B4GALT5: variants seen among roughly 807,000 people sequenced by gnomAD.
B4GALT5 encodes UDP-Gal:beta-GlcNAc beta-1,4-galactosyltransferase 5.
In B4GALT5, 11 loss-of-function variants were observed where a neutral mutation model predicts 45.0. The observed-to-expected ratio is 0.24, with a 90% confidence interval of 0.15 to 0.40. The LOEUF (loss-of-function observed/expected upper bound fraction) is 0.40. B4GALT5 is among the 10% of genes least tolerant of loss of function. The probability of loss-of-function intolerance (pLI) is 1.00; values close to 1 mark genes in which losing one functional copy is unlikely to be tolerated. For missense variants in B4GALT5, 337 were observed against 500.2 expected (o/e 0.67, Z 3.11); for synonymous variants, 185 against 182.9 (o/e 1.01, Z -0.09).
At chr20:49,679,349 C>T (rs2085754521) in intron 1 of B4GALT5, among the ~76,000 whole-genome samples, 1 of 152,082 alleles carries the variant, frequency 6.6e-6, no homozygotes, top group Non-Finnish European at 1.5e-5. Context: ...TTCTCTAGCA[C>T]CACAATCAAG....
chr20:49,691,388 C>G (rs947041673), intron 1 of B4GALT5, among the ~76,000 whole-genome samples: 1 of 152,024 alleles, frequency 6.6e-6, no homozygotes, highest in Non-Finnish European at 1.5e-5. Flanking sequence ...CGTGATGGTA[C>G]TACGTAACTG....
chr20:49,686,728 C>CAAAA lies in B4GALT5; in HGVS notation c.115+26844_115+26847dup, dbSNP rs59766440. ...AACATAGCAAGACCTTGTCTCTGCCCAAAAAAAAAAAAAAAAAAAAAAAAG... is the reference window on the plus strand; with the variant it reads ...AACATAGCAAGACCTTGTCTCTGCCCAAAAAAAAAAAAAAAAAAAAAAAAAAAAG... On this transcript the variant is annotated intron_variant, in intron 1 of 8. Coordinates refer to ENST00000371711, the MANE Select transcript of B4GALT5 (RefSeq NM_004776.4). Among the ~76,000 whole-genome samples the CAAAA allele has an allele frequency of 2.8e-3, 166 of 59,462 alleles. 5 individuals carry two copies. Among genetic ancestry groups the CAAAA allele is most frequent in the African/African-American group, 9.6e-3 (133 of 13,878 alleles). 39.0% of individuals were successfully genotyped at this position (59,462 alleles called of 152,430 possible).
At chr20:49,684,074 G>A (rs547127171) in intron 1 of B4GALT5, among the ~76,000 whole-genome samples, 8 of 152,044 alleles carry the variant, frequency 5.3e-5, no homozygotes, top group African/African-American at 1.9e-4. Flanking sequence ...CCAGGAGGTG[G>A]AGGCTGCAGT....
At chr20:49,680,690 G>A (rs1290145984) in intron 1 of B4GALT5, among the ~76,000 whole-genome samples, 1 of 152,110 alleles carries the variant, frequency 6.6e-6, no homozygotes, top group Non-Finnish European at 1.5e-5. Context: ...TTGGAATGAA[G>A]AAATCAAGTT....
intron 1 of B4GALT5, among the ~76,000 whole-genome samples, chr20:49,671,174 T>C (rs528849637): frequency 1.6e-4 from 24 of 150,730 alleles, no homozygotes; most frequent in Admixed American, 1.3e-3. Flanking sequence ...AGGTCAGGAG[T>C]TCAAGATCAG....
At chr20:49,695,683 G>C (rs2085836861) in intron 1 of B4GALT5, among the ~76,000 whole-genome samples, 1 of 152,210 alleles carries the variant, frequency 6.6e-6, no homozygotes, top group Non-Finnish European at 1.5e-5. Context: ...TTACAGGTGT[G>C]AGCCACCGGG....
intron 1 of B4GALT5, among the ~76,000 whole-genome samples, chr20:49,696,681 C>T (rs1045429270): frequency 2.0e-5 from 3 of 152,174 alleles, no homozygotes; most frequent in Non-Finnish European, 2.9e-5. Flanking sequence ...TCTGTGTATA[C>T]AATGACAAGG....
chr20:49,694,901 C>CCA (rs2085832368), intron 1 of B4GALT5, among the ~76,000 whole-genome samples: 1 of 152,034 alleles, frequency 6.6e-6, no homozygotes, highest in Non-Finnish European at 1.5e-5. Flanking sequence ...CAAGTGGGTG[C>CCA]CACACACATC....
At position 49,646,819 on chromosome 20, in the gene B4GALT5, G is replaced by A. The variant is rs899728912; in HGVS notation, c.364+146C>T. 1.5e-5 allele frequency: 8 copies of A among 521,686 alleles called. No homozygotes were observed. In the Admixed American group the frequency reaches 2.6e-4, roughly 17 times the overall value. The allele number at this position is 521,686 out of a possible 1,614,324, so 32.3% of individuals were successfully genotyped here. On this transcript the variant is annotated intron_variant, in intron 3 of 8. Coordinates refer to ENST00000371711, the MANE Select transcript of B4GALT5 (RefSeq NM_004776.4). Reference sequence around the variant, plus strand: ...GCAACCTTGCAGCAGGCTTTGAAGAGGAGCCAGGAGCACAACTTTCACAAA... The same window carrying A: ...GCAACCTTGCAGCAGGCTTTGAAGAAGAGCCAGGAGCACAACTTTCACAAA...
At chr20:49,641,268 G>C (rs1425082235) in intron 5 of B4GALT5, among the ~76,000 whole-genome samples, 1 of 152,178 alleles carries the variant, frequency 6.6e-6, no homozygotes, top group African/African-American at 2.4e-5. Context: ...GCTCCACAAA[G>C]GGAAGAGACA....
intron 1 of B4GALT5, among the ~76,000 whole-genome samples, chr20:49,701,010 G>A (rs1337299182): frequency 6.6e-6 from 1 of 152,148 alleles, no homozygotes; most frequent in African/African-American, 2.4e-5. Context: ...AAACACATCT[G>A]TCCAGAAATA....
intron 5 of B4GALT5, among the ~76,000 whole-genome samples, chr20:49,641,258 G>A (rs941539914): frequency 2.6e-5 from 4 of 152,162 alleles, no homozygotes; most frequent in African/African-American, 4.8e-5. Context: ...AGAGTACCCC[G>A]CTCCACAAAG....
intron 2 of B4GALT5, 55 bp from the exon 3 acceptor site, chr20:49,647,133 A>C: frequency 9.2e-7 from 1 of 1,081,976 alleles, no homozygotes; most frequent in Non-Finnish European, 1.4e-6. Context: ...TCAACCGTGC[A>C]ATTATCAGAT....
chr20:49,682,097 A>AAAAT (rs1254966878), intron 1 of B4GALT5, among the ~76,000 whole-genome samples: 1 of 152,186 alleles, frequency 6.6e-6, no homozygotes, highest in African/African-American at 2.4e-5. Context: ...CCCTGTCTCA[A>AAAAT]AAATAAATAA....
intron 1 of B4GALT5, among the ~76,000 whole-genome samples, chr20:49,671,518 G>A (rs1161756980): frequency 6.6e-6 from 1 of 152,132 alleles, no homozygotes; most frequent in East Asian, 1.9e-4. Flanking sequence ...TCACATTTGT[G>A]TTAAAGACAC....
chr20:49,686,477 A>T (rs1204630443), intron 1 of B4GALT5, among the ~76,000 whole-genome samples: 2 of 152,164 alleles, frequency 1.3e-5, no homozygotes, highest in East Asian at 3.8e-4. Flanking sequence ...TAGAATAAGC[A>T]ACCAAGTGAC....
intron 1 of B4GALT5, among the ~76,000 whole-genome samples, chr20:49,686,568 G>A (rs2085786308): frequency 6.6e-6 from 1 of 151,840 alleles, no homozygotes. Flanking sequence ...TAGGACCCTA[G>A]AATTTACCAT....
intron 1 of B4GALT5, among the ~76,000 whole-genome samples, chr20:49,680,338 C>T (rs1032989061): frequency 1.3e-4 from 20 of 151,854 alleles, no homozygotes; most frequent in East Asian, 1.9e-4. Flanking sequence ...AAATAAGACT[C>T]GATATTAGAG....
intron 1 of B4GALT5, among the ~76,000 whole-genome samples, chr20:49,708,007 A>G (rs2085891990): frequency 6.8e-6 from 1 of 146,514 alleles, no homozygotes; most frequent in African/African-American, 2.5e-5. Flanking sequence ...TGGTGGGCGT[A>G]TCATCTGAGG....
Sources: gnomAD v4.1 joint callset for allele counts (sites outside exome capture counted in the v4.1 genomes callset) on GRCh38, gnomAD v4.1.1 for gene constraint, MANE v1.5 for transcripts, NCBI Gene and HGNC (gene_info 2026-07-23, HGNC 2026-07-21) for gene names.